The following NEDD4 variants were observed in gnomAD, a reference collection of about 807,000 sequenced individuals.
NEDD4 encodes E3 ubiquitin-protein ligase NEDD4.
A neutral mutation model predicts 144.9 loss-of-function variants in NEDD4; 99 were observed. The observed-to-expected ratio is 0.68, with a 90% CI of 0.58 to 0.81. The LOEUF is 0.81. NEDD4 is among the 30% of genes least tolerant of loss of function. NEDD4 has a pLI of 0.00. For missense variants in NEDD4, 985 were observed against 1,065.9 expected (o/e 0.92, Z 1.06); for synonymous variants, 318 against 350.6 (o/e 0.91, Z 1.04).
intron 1 of NEDD4, among the ~76,000 whole-genome samples, chr15:55,973,856 T>C (rs2037655770): frequency 6.7e-6 from 1 of 148,964 alleles, no homozygotes; most frequent in Non-Finnish European, 1.5e-5. Flanking sequence ...ACAACCTAGC[T>C]ATGCATCTTA....
intron 1 of NEDD4, among the ~76,000 whole-genome samples, chr15:55,974,554 A>G (rs1445234337): frequency 6.6e-6 from 1 of 152,040 alleles, no homozygotes; most frequent in African/African-American, 2.4e-5. Flanking sequence ...CAACACATTG[A>G]AAAAAAATCA....
At chr15:55,926,034 T>A (rs2036657516) in intron 4 of NEDD4, among the ~76,000 whole-genome samples, 1 of 151,970 alleles carries the variant, frequency 6.6e-6, no homozygotes, top group Admixed American at 6.6e-5. Context: ...TACGTATGTA[T>A]CATATACATA....
chr15:55,987,346 G>T (rs878922653), intron 1 of NEDD4: 6 of 1,304 alleles, frequency 4.6e-3, no homozygotes, highest in African/African-American at 0.023. Context: ...AAATTTGTTT[G>T]AGTTCATTGT....
chr15:55,879,171 C>T (rs1404406131), intron 5 of NEDD4, among the ~76,000 whole-genome samples: 1 of 151,938 alleles, frequency 6.6e-6, no homozygotes, highest in Non-Finnish European at 1.5e-5. Context: ...ACATGCTGTC[C>T]GATTTAATTT....
intron 1 of NEDD4, among the ~76,000 whole-genome samples, chr15:55,983,414 T>C (rs1184749491): frequency 2.0e-5 from 3 of 152,164 alleles, no homozygotes; most frequent in Admixed American, 6.5e-5. Context: ...CCTCATCTGC[T>C]GACGTTGTGC....
intron 21 of NEDD4, among the ~76,000 whole-genome samples, chr15:55,840,122 G>A (rs1290270722): frequency 6.9e-6 from 1 of 145,666 alleles, no homozygotes; most frequent in Non-Finnish European, 1.5e-5. Flanking sequence ...AGTATTTAGT[G>A]GGATGTTTAA....
At chr15:55,846,639 G>T (rs2033758647) in intron 18 of NEDD4, among the ~76,000 whole-genome samples, 1 of 152,194 alleles carries the variant, frequency 6.6e-6, no homozygotes, top group African/African-American at 2.4e-5. Context: ...TAGGCCAGAA[G>T]ATAATTTCCT....
chr15:55,901,974 T>G (rs1172222005), intron 5 of NEDD4, among the ~76,000 whole-genome samples: 3 of 151,994 alleles, frequency 2.0e-5, no homozygotes, highest in African/African-American at 7.2e-5. Context: ...ACTAATAGAG[T>G]TACTTCAACA....
rs1287846218 is a variant in NEDD4, at chr15:55,828,811, AAATTT to A, written c.*1081_*1085del. The stretch of plus-strand genomic sequence containing the variant: ...TTTAAAAGGCATAAGAAATAGTAAT[AAATTT>A]AATACAAATTATGCATTATAACAAC... On this transcript the variant is annotated 3_prime_UTR_variant, in exon 29 of 29. Coordinates refer to ENST00000435532, the MANE Select transcript of NEDD4 (RefSeq NM_006154.4). The A allele has an allele frequency of 6.6e-6, 1 of 152,660 alleles. No homozygotes were observed. Among genetic ancestry groups the A allele is most frequent in the Non-Finnish European group, 1.5e-5 (1 of 68,044 alleles). The allele number at this position is 152,660 out of a possible 1,614,324, so 9.5% of individuals were successfully genotyped here.
At chr15:55,918,850 AAGG>A (rs1185176847) in intron 5 of NEDD4, among the ~76,000 whole-genome samples, 2 of 152,174 alleles carry the variant, frequency 1.3e-5, no homozygotes, top group Non-Finnish European at 2.9e-5. Flanking sequence ...TCTTTTAAAT[AAGG>A]AGGAGTCCTG....
At chr15:55,850,508 G>C (rs1358749043) in intron 14 of NEDD4, 34 bp downstream of exon 14, 1 of 1,591,910 alleles carries the variant, frequency 6.3e-7, no homozygotes. Context: ...GATTATTGTT[G>C]TTATAAATTT....
chr15:55,991,220 A>G (rs1335045165), intron 1 of NEDD4, among the ~76,000 whole-genome samples: 6 of 151,916 alleles, frequency 3.9e-5, no homozygotes, highest in Admixed American at 3.9e-4. Flanking sequence ...AGGGCTGCCT[A>G]TTTCCAGACT....
At chr15:55,836,669 G>A (rs1254270358) in intron 24 of NEDD4, among the ~76,000 whole-genome samples, 1 of 152,082 alleles carries the variant, frequency 6.6e-6, no homozygotes, top group African/African-American at 2.4e-5. Flanking sequence ...GGGACTGCAC[G>A]TGCACGCCAC....
At chr15:55,920,649 C>T (rs2036551685) in intron 5 of NEDD4, among the ~76,000 whole-genome samples, 2 of 152,168 alleles carry the variant, frequency 1.3e-5, no homozygotes, top group Non-Finnish European at 1.5e-5. Context: ...TAATATTATA[C>T]TTGTGTTCTT....
At chr15:55,979,832 G>T (rs2037769650) in intron 1 of NEDD4, among the ~76,000 whole-genome samples, 3 of 151,990 alleles carry the variant, frequency 2.0e-5, no homozygotes, top group Non-Finnish European at 2.9e-5. Flanking sequence ...TGTATCTGAG[G>T]CAATAAACTT....
intron 13 of NEDD4, 148 bp downstream of exon 13, chr15:55,852,276 C>CA (rs1891628119): frequency 2.3e-6 from 2 of 855,908 alleles, no homozygotes; most frequent in Non-Finnish European, 3.3e-6. Flanking sequence ...GCCTGGGCGA[C>CA]AATACTGAGA....
chr15:55,850,612 C>A lies in NEDD4; in HGVS notation c.1277G>T (p.Gly426Val), dbSNP rs769052109. ...SEIEQGFLPK[G>V]WEVRHAPNGR... ...ATTTGGTGCATGCCGGACTTCCCAG[C>A]CTTTAGGAAGGAATCCTTGCTCAAT... Residue 426 changes from glycine (G) to valine (V), a missense_variant, in exon 14 of 29, where the codon GGC becomes GTC. Physicochemically the swap from Gly to Val is moderately radical, Grantham distance 109. Transcript: ENST00000435532. 1.9e-6 allele frequency: 3 copies of A among 1,614,154 alleles called. No individual in the cohort carries two copies. The highest frequency in any genetic ancestry group is 4.5e-5 in the East Asian group (2 of 44,874).
intron 5 of NEDD4, among the ~76,000 whole-genome samples, chr15:55,894,569 T>A (rs66462353): frequency 2.0e-4 from 30 of 151,982 alleles, no homozygotes; most frequent in African/African-American, 6.8e-4. Context: ...ACCTCACAGA[T>A]TGGGGTGAGG....
At chr15:55,964,652 T>G (rs1277593303) in intron 2 of NEDD4, among the ~76,000 whole-genome samples, 1 of 15,024 alleles carries the variant, frequency 6.7e-5, no homozygotes, top group South Asian at 2.3e-3. Context: ...TTGCTGCTGG[T>G]GTGTGTGTGT....
Sources: gnomAD v4.1 joint callset for allele counts (sites outside exome capture counted in the v4.1 genomes callset) on GRCh38, gnomAD v4.1.1 for gene constraint, MANE v1.5 for transcripts, NCBI Gene and HGNC (gene_info 2026-07-23, HGNC 2026-07-21) for gene names.